Variants in FNIP1 observed in about 807,000 individuals in gnomAD.
The protein encoded by FNIP1 is folliculin-interacting protein 1.
In FNIP1, 40 loss-of-function variants were observed where a neutral mutation model predicts 124.5. That is an observed-to-expected ratio of 0.32 (90% CI 0.25 to 0.42). The LOEUF (loss-of-function observed/expected upper bound fraction) is 0.42, where lower values mean the gene tolerates loss of function less well. Among genes scored for constraint, FNIP1 ranks in the 10% least tolerant of loss-of-function variants. FNIP1 has a pLI of 1.00. For missense variants in FNIP1, 1,176 were observed against 1,403.7 expected (o/e 0.84, Z 2.59); for synonymous variants, 472 against 470.6 (o/e 1.00, Z -0.04).
chr5:131,694,055 G>A (rs1290929549), intron 11 of FNIP1, among the ~76,000 whole-genome samples: 1 of 152,096 alleles, frequency 6.6e-6, no homozygotes, highest in Non-Finnish European at 1.5e-5. Context: ...GGCTAAAATT[G>A]ACAAACTGAC....
intron 1 of FNIP1, among the ~76,000 whole-genome samples, chr5:131,772,029 A>G (rs2149578229): frequency 6.6e-6 from 1 of 152,268 alleles, no homozygotes; most frequent in South Asian, 2.1e-4. Flanking sequence ...GTGTTTCTTA[A>G]AACCTTCACA....
intron 11 of FNIP1, among the ~76,000 whole-genome samples, chr5:131,697,986 A>AG (rs1768764694): frequency 6.6e-6 from 1 of 150,396 alleles, no homozygotes; most frequent in African/African-American, 2.5e-5. Flanking sequence ...AAAAAAAAAA[A>AG]AAAGAAAGAA....
intron 10 of FNIP1, among the ~76,000 whole-genome samples, chr5:131,702,444 C>A (rs1768934667): frequency 6.6e-6 from 1 of 152,086 alleles, no homozygotes; most frequent in Non-Finnish European, 1.5e-5. Context: ...ACAGCACAAT[C>A]CCTACCAAGT....
chr5:131,720,052 T>A (rs1479809865), intron 3 of FNIP1, among the ~76,000 whole-genome samples: 1 of 151,964 alleles, frequency 6.6e-6, no homozygotes, highest in Non-Finnish European at 1.5e-5. Flanking sequence ...AAATCAACCT[T>A]GAAAAAGAAC....
At chr5:131,713,379 G>A (rs1381381604) in intron 6 of FNIP1, among the ~76,000 whole-genome samples, 4 of 152,048 alleles carry the variant, frequency 2.6e-5, no homozygotes, top group Non-Finnish European at 5.9e-5. Context: ...ATTCCCCAGG[G>A]TTCCATCTTC....
intron 15 of FNIP1, among the ~76,000 whole-genome samples, chr5:131,658,821 G>A (rs992001635): frequency 1.5e-5 from 2 of 135,518 alleles, no homozygotes; most frequent in African/African-American, 2.8e-5. Context: ...CAAAGTCCTC[G>A]GCCACATTGC....
In FNIP1 at chr5:131,735,316, G is replaced by A. The variant is rs192213198; in HGVS notation, c.220-4278C>T. Among the ~76,000 whole-genome samples, 562 of 152,066 alleles carry A rather than the reference G, an allele frequency of 3.7e-3. 2 individuals carry two copies. The highest frequency in any genetic ancestry group is 0.013 in the African/African-American group (542 of 41,474). On this transcript the variant is annotated intron_variant, in intron 2 of 17. Transcript: ENST00000510461. ...ACACACCAGGGCCTGCTGTGGGGTCGGGGGAGCGGGGAGGAACAGCATTAG... is the reference window on the plus strand; with the variant it reads ...ACACACCAGGGCCTGCTGTGGGGTCAGGGGAGCGGGGAGGAACAGCATTAG...
chr5:131,714,412 G>A (rs1273289399), intron 6 of FNIP1, among the ~76,000 whole-genome samples: 2 of 151,916 alleles, frequency 1.3e-5, no homozygotes, highest in African/African-American at 4.8e-5. Flanking sequence ...TCCTGTCTTT[G>A]GCAAACCGTT....
chr5:131,778,183 AC>A (rs1003954121), intron 1 of FNIP1, among the ~76,000 whole-genome samples: 1 of 151,522 alleles, frequency 6.6e-6, no homozygotes, highest in East Asian at 1.9e-4. Context: ...ACAAAGCAAG[AC>A]CCCCCTCTCA....
intron 1 of FNIP1, among the ~76,000 whole-genome samples, chr5:131,757,408 T>C (rs748313255): frequency 2.0e-4 from 30 of 152,330 alleles, no homozygotes; most frequent in Non-Finnish European, 3.8e-4. Flanking sequence ...TGATGAACAG[T>C]GGGCAACCAT....
intron 1 of FNIP1, among the ~76,000 whole-genome samples, chr5:131,750,131 G>A (rs1354636522): frequency 6.6e-6 from 1 of 152,144 alleles, no homozygotes; most frequent in African/African-American, 2.4e-5. Context: ...GGATCAGACT[G>A]TGCCAAGGTA....
chr5:131,729,323 G>A (rs567689110), intron 3 of FNIP1, among the ~76,000 whole-genome samples: 1 of 152,308 alleles, frequency 6.6e-6, no homozygotes, highest in East Asian at 1.9e-4. Flanking sequence ...CAGGGAGATG[G>A]GAGTTTTATC....
intron 3 of FNIP1, among the ~76,000 whole-genome samples, chr5:131,729,580 T>C (rs1770006361): frequency 6.6e-6 from 1 of 152,160 alleles, no homozygotes; most frequent in African/African-American, 2.4e-5. Flanking sequence ...AGCCACCCTA[T>C]ATACATATTT....
At chr5:131,665,725 G>C (rs1767582009) in intron 15 of FNIP1, among the ~76,000 whole-genome samples, 1 of 150,296 alleles carries the variant, frequency 6.7e-6, no homozygotes, top group African/African-American at 2.4e-5. Context: ...GAGTAGCTGG[G>C]ATTACAGATG....
intron 15 of FNIP1, among the ~76,000 whole-genome samples, chr5:131,660,949 A>G (rs1767412806): frequency 6.6e-6 from 1 of 152,096 alleles, no homozygotes; most frequent in African/African-American, 2.4e-5. Flanking sequence ...GTTCCTGTAA[A>G]GACATCTCTA....
chr5:131,724,789 G>A (rs1225517165), intron 3 of FNIP1, among the ~76,000 whole-genome samples: 1 of 151,050 alleles, frequency 6.6e-6, no homozygotes, highest in Non-Finnish European at 1.5e-5. Context: ...CCTATGTCCT[G>A]AATGGTATTG....
At chr5:131,665,105 C>T (rs1263654057) in intron 15 of FNIP1, among the ~76,000 whole-genome samples, 1 of 151,976 alleles carries the variant, frequency 6.6e-6, no homozygotes, top group South Asian at 2.1e-4. Flanking sequence ...ATGCAAAGCA[C>T]AGTGTGACTA....
chr5:131,676,024 A>T (rs1470903094), intron 13 of FNIP1, among the ~76,000 whole-genome samples: 1 of 150,666 alleles, frequency 6.6e-6, no homozygotes, highest in African/African-American at 2.4e-5. Context: ...ACGCCCAGCT[A>T]ATTTTTTTTT....
chr5:131,762,293 C>T (rs1015899050), intron 1 of FNIP1, among the ~76,000 whole-genome samples: 3 of 152,076 alleles, frequency 2.0e-5, no homozygotes. Flanking sequence ...GGGAAACAAT[C>T]AACAAAGTGA....
Sources: gnomAD v4.1 joint callset for allele counts (sites outside exome capture counted in the v4.1 genomes callset) on GRCh38, gnomAD v4.1.1 for gene constraint, MANE v1.5 for transcripts, NCBI Gene and HGNC (gene_info 2026-07-23, HGNC 2026-07-21) for gene names.